SLC25A21: variants seen among roughly 807,000 people sequenced by gnomAD.
SLC25A21 encodes the protein mitochondrial 2-oxodicarboxylate carrier.
SLC25A21 carries 47 observed loss-of-function variants against 43.8 expected under a neutral mutation model. That is an observed-to-expected ratio of 1.07 (90% CI 0.85 to 1.37). The LOEUF is 1.37. Ranked by LOEUF, SLC25A21 falls within the 40% of genes most tolerant of loss-of-function variation. SLC25A21 has a pLI of 0.00. For synonymous variants in SLC25A21, 131 were observed against 121.3 expected (o/e 1.08, Z -0.52); for missense variants, 352 against 350.2 (o/e 1.00, Z -0.04).
chr14:36,736,163 C>T (rs1885031985), intron 3 of SLC25A21, among the ~76,000 whole-genome samples: 1 of 152,060 alleles, frequency 6.6e-6, no homozygotes, highest in Non-Finnish European at 1.5e-5. Flanking sequence ...TCTCGATCTC[C>T]TGACCTCGTG....
At chr14:37,000,458 T>TA (rs1960463111) in intron 1 of SLC25A21, among the ~76,000 whole-genome samples, 1 of 152,194 alleles carries the variant, frequency 6.6e-6, no homozygotes, top group Non-Finnish European at 1.5e-5. Flanking sequence ...GCTTTCCTCC[T>TA]ACTCATTGTG....
chr14:36,908,704 G>C (rs1891600272), intron 1 of SLC25A21, among the ~76,000 whole-genome samples: 1 of 152,088 alleles, frequency 6.6e-6, no homozygotes, highest in Admixed American at 6.6e-5. Context: ...TGTGGTTGTG[G>C]ATACTTATAT....
At chr14:36,698,848 G>A (rs141181646) in intron 7 of SLC25A21, among the ~76,000 whole-genome samples, 1,617 of 152,186 alleles carry the variant, frequency 0.011, 24 homozygotes, top group African/African-American at 0.033. Flanking sequence ...GCTTCCTTGC[G>A]ATGGGTTCGA....
At chr14:36,692,199 C>T (rs1375783121) in intron 7 of SLC25A21, among the ~76,000 whole-genome samples, 1 of 152,206 alleles carries the variant, frequency 6.6e-6, no homozygotes, top group Non-Finnish European at 1.5e-5. Flanking sequence ...ACCAGCCCCT[C>T]TTCAGGGAGA....
intron 1 of SLC25A21, among the ~76,000 whole-genome samples, chr14:36,960,907 A>G (rs1162104739): frequency 6.6e-6 from 1 of 152,238 alleles, no homozygotes; most frequent in African/African-American, 2.4e-5. Flanking sequence ...AATCAGAAAT[A>G]GGAAAGTGCA....
chr14:36,725,226 C>G (rs1336168923), intron 6 of SLC25A21: 5 of 153,744 alleles, frequency 3.3e-5, no homozygotes, highest in African/African-American at 1.2e-4. Context: ...GCAATCCCAG[C>G]ACTCTGGGAG....
At chr14:37,034,785 A>C (rs1961292607) in intron 1 of SLC25A21, among the ~76,000 whole-genome samples, 1 of 152,214 alleles carries the variant, frequency 6.6e-6, no homozygotes, top group Admixed American at 6.5e-5. Context: ...GCACAGGTGA[A>C]AAGTGGTAAG....
intron 3 of SLC25A21, among the ~76,000 whole-genome samples, chr14:36,772,246 G>C (rs571729195): frequency 6.6e-6 from 1 of 152,160 alleles, no homozygotes; most frequent in South Asian, 2.1e-4. Flanking sequence ...CAAAACAAGG[G>C]AAAATTTTAA....
intron 1 of SLC25A21, among the ~76,000 whole-genome samples, chr14:36,942,150 C>G (rs938288352): frequency 6.6e-6 from 1 of 151,058 alleles, no homozygotes; most frequent in African/African-American, 2.4e-5. Flanking sequence ...AGAGTTTGAA[C>G]TAAAAAAAAA....
intron 1 of SLC25A21, among the ~76,000 whole-genome samples, chr14:36,887,557 C>T (rs61988052): frequency 0.1 from 9,439 of 91,594 alleles, 448 homozygotes; most frequent in Middle Eastern, 0.19. Context: ...AGCAAGACTC[C>T]ATTGCAAAAA....
At chr14:36,887,877 A>G (rs1312072964) in intron 1 of SLC25A21, among the ~76,000 whole-genome samples, 2 of 152,212 alleles carry the variant, frequency 1.3e-5, no homozygotes, top group African/African-American at 4.8e-5. Flanking sequence ...GCCTAAAAAG[A>G]AGCTCTCAGT....
chr14:36,859,132 C>T (rs1362087971), intron 2 of SLC25A21, among the ~76,000 whole-genome samples: 1 of 152,102 alleles, frequency 6.6e-6, no homozygotes, highest in Non-Finnish European at 1.5e-5. Flanking sequence ...TAAATTGAAG[C>T]TGAAACCCTG....
chr14:36,826,252 G>A (rs972524816), intron 2 of SLC25A21, among the ~76,000 whole-genome samples: 6 of 152,072 alleles, frequency 3.9e-5, no homozygotes, highest in Admixed American at 3.9e-4. Flanking sequence ...GCATTTTTGG[G>A]GTCAGTGGGG....
intron 1 of SLC25A21, among the ~76,000 whole-genome samples, chr14:37,131,011 T>C (rs1312733802): frequency 6.6e-6 from 1 of 152,174 alleles, no homozygotes; most frequent in Non-Finnish European, 1.5e-5. Context: ...AGGGAGAAGA[T>C]GATAATCAGA....
chr14:36,695,342 C>T (rs1157915923), intron 7 of SLC25A21, among the ~76,000 whole-genome samples: 3 of 152,092 alleles, frequency 2.0e-5, no homozygotes, highest in African/African-American at 4.8e-5. Flanking sequence ...AGTCAGGTAG[C>T]GTGATGTCTC....
At position 36,789,798 on chromosome 14, in the gene SLC25A21, T is replaced by C. The variant is rs193283791; in HGVS notation, c.203+24120A>G. Among the ~76,000 whole-genome samples the C allele has an allele frequency of 1.7e-3, 118 of 71,090 alleles. 3 individuals carry two copies. Among genetic ancestry groups the C allele is most frequent in the African/African-American group, 5.3e-3 (87 of 16,484 alleles). 46.6% of individuals were successfully genotyped at this position (71,090 alleles called of 152,430 possible). A position where few individuals can be genotyped will look rare whatever the true frequency, so the allele number is the denominator to read the frequency against. ...ACATTTTATATATTTATATATAATA[T>C]ATTTTATATATTATATATAATATAT... On this transcript the variant is annotated intron_variant, in intron 3 of 9. Transcript: ENST00000331299.
At chr14:36,995,968 C>G (rs973562046) in intron 1 of SLC25A21, among the ~76,000 whole-genome samples, 2 of 152,164 alleles carry the variant, frequency 1.3e-5, no homozygotes, top group African/African-American at 4.8e-5. Flanking sequence ...TCACTACACT[C>G]ATTTTAAGAT....
chr14:36,796,113 A>T (rs1887660257), intron 3 of SLC25A21, among the ~76,000 whole-genome samples: 1 of 152,158 alleles, frequency 6.6e-6, no homozygotes, highest in African/African-American at 2.4e-5. Context: ...AAAAGGGCCC[A>T]CAAGTCTCTA....
chr14:36,715,339 T>C (rs1478825562), intron 6 of SLC25A21, among the ~76,000 whole-genome samples: 1 of 152,194 alleles, frequency 6.6e-6, no homozygotes, highest in East Asian at 1.9e-4. Context: ...TCCACTAGGA[T>C]GCTTAAATAG....
Sources: allele counts gnomAD v4.1 joint callset (sites outside exome capture counted in the v4.1 genomes callset), GRCh38; gene constraint gnomAD v4.1.1; transcripts MANE v1.5; gene names NCBI Gene and HGNC (gene_info 2026-07-23, HGNC 2026-07-21).